ZFAT: variants seen among roughly 807,000 people sequenced by gnomAD.
The protein encoded by ZFAT is zinc finger and AT-hook domain containing.
Under a neutral mutation model 117.7 loss-of-function variants are expected in ZFAT, and 64 were observed. The observed-to-expected ratio is 0.54, with a 90% confidence interval of 0.44 to 0.67. The LOEUF (loss-of-function observed/expected upper bound fraction) is 0.67, where lower values mean the gene tolerates loss of function less well. Among genes scored for constraint, ZFAT ranks in the 30% least tolerant of loss-of-function variants. ZFAT has a pLI of 0.00. For missense variants in ZFAT, 1,433 were observed against 1,584.5 expected (o/e 0.90, Z 1.62); for synonymous variants, 679 against 615.0 (o/e 1.10, Z -1.54).
chr8:134,806,557 A>T, the ZFAT span, among the ~76,000 whole-genome samples: 1 of 152,332 alleles, frequency 6.6e-6, no homozygotes, highest in Non-Finnish European at 1.5e-5. Flanking sequence ...GATGCTGCAC[A>T]TTAAGTTGCA....
chr8:134,569,338 C>A (rs1824709041), intron 10 of ZFAT, among the ~76,000 whole-genome samples: 1 of 152,154 alleles, frequency 6.6e-6, no homozygotes, highest in Non-Finnish European at 1.5e-5. Flanking sequence ...ATTTGGCCCT[C>A]AGTCTGTTGA....
At chr8:134,624,600 T>C (rs1438244805) in intron 3 of ZFAT, among the ~76,000 whole-genome samples, 2 of 152,124 alleles carry the variant, frequency 1.3e-5, no homozygotes, top group Non-Finnish European at 2.9e-5. Context: ...GAGGTTGCAA[T>C]GAGCCGAGGT....
chr8:134,711,525 G>A (rs1813996220), intron 1 of ZFAT, among the ~76,000 whole-genome samples: 1 of 152,200 alleles, frequency 6.6e-6, no homozygotes, highest in African/African-American at 2.4e-5. Flanking sequence ...GGCAGGCTGA[G>A]GCGGGAGGTT....
chr8:134,717,858 C>A (rs549180550), upstream of ZFAT, among the ~76,000 whole-genome samples: 8 of 152,004 alleles, frequency 5.3e-5, no homozygotes, highest in African/African-American at 1.7e-4. Context: ...CCATGCCCAG[C>A]CAATTTTTGT....
intron 7 of ZFAT, chr8:134,600,168 A>G (rs1827293594): frequency 3.9e-6 from 2 of 509,194 alleles, no homozygotes; most frequent in African/African-American, 1.9e-5. Context: ...TACTCTATAG[A>G]TATCTCTTCT....
At chr8:134,765,323 C>A in the ZFAT span, 2 of 152,234 alleles carry the variant, frequency 1.3e-5, no homozygotes, top group Non-Finnish European at 2.9e-5. Flanking sequence ...GACATCCCAC[C>A]TCATGGTGTG....
chr8:134,599,688 G>A, intron 7 of ZFAT: 1 of 429,992 alleles, frequency 2.3e-6, no homozygotes, highest in Non-Finnish European at 4.6e-6. Flanking sequence ...ACTTTTTGCT[G>A]TCTGTAGCAT....
the ZFAT span, among the ~76,000 whole-genome samples, chr8:134,778,460 C>G: frequency 4.6e-5 from 7 of 152,236 alleles, no homozygotes; most frequent in Non-Finnish European, 8.8e-5. Context: ...CACTGGGACA[C>G]TTCACTCACT....
At chr8:134,558,296 A>G (rs904620573) in intron 11 of ZFAT, among the ~76,000 whole-genome samples, 95 of 152,298 alleles carry the variant, frequency 6.2e-4, no homozygotes, top group Non-Finnish European at 7.9e-4. Flanking sequence ...GGCAGGGCTG[A>G]TGGGCCAAGC....
At chr8:134,735,277 A>C in the ZFAT span, among the ~76,000 whole-genome samples, 2 of 152,136 alleles carry the variant, frequency 1.3e-5, no homozygotes, top group Non-Finnish European at 2.9e-5. Flanking sequence ...CTAAGCCTGA[A>C]AGGGTTGTGT....
the ZFAT span, among the ~76,000 whole-genome samples, chr8:134,739,029 A>C: frequency 2.2e-4 from 33 of 152,176 alleles, no homozygotes; most frequent in Admixed American, 2.0e-3. Flanking sequence ...ATAGGACTCC[A>C]GGTGACAGAG....
At chr8:134,699,452 C>CCCTG (rs1238931875) in intron 1 of ZFAT, among the ~76,000 whole-genome samples, 1 of 152,178 alleles carries the variant, frequency 6.6e-6, no homozygotes, top group Non-Finnish European at 1.5e-5. Flanking sequence ...CATGACTCTG[C>CCCTG]CCTGCTGAGC....
chr8:134,824,868 A>G, the ZFAT span, among the ~76,000 whole-genome samples: 1 of 152,252 alleles, frequency 6.6e-6, no homozygotes, highest in Non-Finnish European at 1.5e-5. Context: ...TGGTTGGACA[A>G]ATACTAGTGT....
intron 2 of ZFAT, among the ~76,000 whole-genome samples, chr8:134,644,518 A>G (rs1830763797): frequency 6.6e-6 from 1 of 151,998 alleles, no homozygotes; most frequent in South Asian, 2.1e-4. Flanking sequence ...TCATACACAC[A>G]TACACAAGCA....
chr8:134,519,582 A>C (rs577414985), intron 13 of ZFAT, among the ~76,000 whole-genome samples: 1 of 152,228 alleles, frequency 6.6e-6, no homozygotes, highest in East Asian at 1.9e-4. Flanking sequence ...TTAGCTTTTC[A>C]TTCATTCTTT....
chr8:134,552,605 G>A (rs947141529), intron 11 of ZFAT, among the ~76,000 whole-genome samples: 1 of 152,164 alleles, frequency 6.6e-6, no homozygotes, highest in African/African-American at 2.4e-5. Context: ...TCAAGATGAT[G>A]GCGTGGATGG....
In ZFAT at chr8:134,690,996, G is replaced by A. The variant is rs113739027; in HGVS notation, c.19+21849C>T. Among the ~76,000 whole-genome samples the A allele has an allele frequency of 1.5e-3, 233 of 152,326 alleles. 1 individual carries two copies. The highest frequency in any genetic ancestry group is 5.4e-3 in the African/African-American group (225 of 41,570). ...GAGAATAATTTTACATGACTGTGGTGTTATTTATAATCTAGTTTTGTAGAC... is the reference window on the plus strand; with the variant it reads ...GAGAATAATTTTACATGACTGTGGTATTATTTATAATCTAGTTTTGTAGAC... On this transcript the variant is annotated intron_variant, in intron 1 of 15. Transcript: ENST00000377838.
At chr8:134,538,556 G>T (rs112474855) in intron 11 of ZFAT, among the ~76,000 whole-genome samples, 3,786 of 152,234 alleles carry the variant, frequency 0.025, 153 homozygotes, top group African/African-American at 0.087. Context: ...CCAGTATTTT[G>T]GGAGGCTGAG....
At chr8:134,591,522 T>A (rs937858956) in intron 7 of ZFAT, among the ~76,000 whole-genome samples, 3 of 152,230 alleles carry the variant, frequency 2.0e-5, no homozygotes, top group African/African-American at 7.2e-5. Context: ...GTGGGTGTTA[T>A]TGGTTGAATT....
Sources: allele counts gnomAD v4.1 joint callset (sites outside exome capture counted in the v4.1 genomes callset), GRCh38; gene constraint gnomAD v4.1.1; transcripts MANE v1.5; gene names NCBI Gene and HGNC (gene_info 2026-07-23, HGNC 2026-07-21).